ARHGAP8: variants seen among roughly 807,000 people sequenced by gnomAD.
ARHGAP8 encodes the protein rho GTPase-activating protein 8.
In ARHGAP8, 62 loss-of-function variants were observed where a neutral mutation model predicts 46.1. That is an observed-to-expected ratio of 1.34 (90% CI 1.10 to 1.66). ARHGAP8 has a LOEUF of 1.66. Ranked by LOEUF, ARHGAP8 falls within the 40% of genes most tolerant of loss-of-function variation. The pLI is 0.00. For missense variants in ARHGAP8, 923 were observed against 568.4 expected (o/e 1.62, Z -6.34); for synonymous variants, 375 against 243.1 (o/e 1.54, Z -5.05).
chr22:44,756,381 A>G (rs1924674121), intron 1 of ARHGAP8, among the ~76,000 whole-genome samples: 1 of 151,412 alleles, frequency 6.6e-6, no homozygotes, highest in African/African-American at 2.4e-5. Flanking sequence ...TGCAGCTGGG[A>G]CTCCCACCTG....
rs373023393 is a variant in ARHGAP8, at chr22:44,859,687, C to G, written c.878-44C>G. ...TCCCGGGCCGGGATGCAGCGCTGCC[C>G]CTGGCCCCTCTGGAGCTCAGCAGGG... is the stretch of plus-strand genomic sequence containing the variant. On this transcript the variant is annotated intron_variant, in intron 10 of 11. Transcript: ENST00000356099. The G allele has an allele frequency of 4.4e-6, 7 of 1,604,348 alleles. No individual in the cohort carries two copies. The African/African-American group carries it at 8.0e-5, about 18-fold the overall frequency.
intron 2 of ARHGAP8, among the ~76,000 whole-genome samples, chr22:44,789,080 GTA>G (rs949491675): frequency 6.6e-6 from 1 of 152,170 alleles, no homozygotes; most frequent in African/African-American, 2.4e-5. Context: ...ATTGGACTTT[GTA>G]AATTTCTTCC....
chr22:44,754,338 T>TTGTGTG (rs35257490), intron 1 of ARHGAP8, among the ~76,000 whole-genome samples: 3,140 of 146,570 alleles, frequency 0.021, 50 homozygotes, highest in Middle Eastern at 0.031. Context: ...CATTGAAACT[T>TTGTGTG]TGTGTGTGTG....
At chr22:44,849,970 C>G (rs2269544) in intron 10 of ARHGAP8, 47,749 of 151,936 alleles carry the variant, frequency 0.31, 8,015 homozygotes, top group East Asian at 0.59. Context: ...TATGGTAACT[C>G]ATGGTTATGG....
intron 7 of ARHGAP8, among the ~76,000 whole-genome samples, chr22:44,840,093 C>T (rs549321065): frequency 2.6e-5 from 4 of 152,192 alleles, no homozygotes; most frequent in Non-Finnish European, 4.4e-5. Flanking sequence ...AAAAGGTTCC[C>T]GAGATCACAG....
intron 1 of ARHGAP8, among the ~76,000 whole-genome samples, chr22:44,761,142 C>A (rs557585610): frequency 6.6e-6 from 1 of 152,216 alleles, no homozygotes; most frequent in African/African-American, 2.4e-5. Context: ...GGGCTTGGTC[C>A]TCGTGAAACT....
intron 1 of ARHGAP8, chr22:44,786,201 GTGGGTGCTCGACTGATGTAGAGTGTATAA>G (rs1265785142): frequency 1.6e-5 from 9 of 580,466 alleles, no homozygotes; most frequent in Non-Finnish European, 2.4e-5. Flanking sequence ...AGGGCGTATA[GTGGGTGCTCGACTGATGTAGAGTGTATAA>G]TGGGTGCTCG....
chr22:44,792,200 T>A (rs185792589), intron 2 of ARHGAP8, among the ~76,000 whole-genome samples: 3 of 152,010 alleles, frequency 2.0e-5, no homozygotes, highest in African/African-American at 7.2e-5. Flanking sequence ...TTAGTAGAGA[T>A]GGGGTTTCAT....
chr22:44,766,560 G>A (rs970221710), intron 1 of ARHGAP8, among the ~76,000 whole-genome samples: 5 of 152,094 alleles, frequency 3.3e-5, no homozygotes, highest in East Asian at 3.9e-4. Context: ...GTGGGCATGC[G>A]TGTCTGGGTG....
intron 7 of ARHGAP8, among the ~76,000 whole-genome samples, chr22:44,837,855 T>C (rs1179151716): frequency 1.3e-5 from 2 of 152,190 alleles, no homozygotes; most frequent in African/African-American, 4.8e-5. Flanking sequence ...CCCGCTTGGC[T>C]GGGAGCACGG....
At chr22:44,800,432 G>A (rs935124028) in intron 2 of ARHGAP8, among the ~76,000 whole-genome samples, 5 of 152,150 alleles carry the variant, frequency 3.3e-5, no homozygotes, top group African/African-American at 4.8e-5. Context: ...CTCACTAAGC[G>A]CCTGGCCCGG....
chr22:44,859,534 T>C, intron 10 of ARHGAP8, 197 bp from the exon 11 acceptor site: 1 of 601,442 alleles, frequency 1.7e-6, no homozygotes, highest in African/African-American at 1.9e-5. Context: ...TAACCCCATC[T>C]CAGCAAGAAT....
At chr22:44,805,418 T>A (rs914252323) in intron 3 of ARHGAP8, among the ~76,000 whole-genome samples, 1 of 152,256 alleles carries the variant, frequency 6.6e-6, no homozygotes, top group Non-Finnish European at 1.5e-5. Context: ...ACTAGATGCC[T>A]GAATTGTTCA....
chr22:44,862,648 TTGTA>T lies in ARHGAP8; in HGVS notation c.*57_*60del. 1.3e-6 allele frequency: 2 copies of T among 1,503,316 alleles called. No homozygotes were observed. Among genetic ancestry groups the T allele is most frequent in the Admixed American group, 2.3e-5 (1 of 44,392 alleles). The allele number at this position is 1,503,316 out of a possible 1,614,324, so 93.1% of individuals were successfully genotyped here. A position where few individuals can be genotyped will look rare whatever the true frequency, so the allele number is the denominator to read the frequency against. ...CTACCTCCCACACCTGTCTGTGCAC[TTGTA>T]TGTTTTGTAAACTTGGCATCTGTAA... On this transcript the variant is annotated 3_prime_UTR_variant, in exon 12 of 12. Coordinates refer to ENST00000356099, the MANE Select transcript of ARHGAP8 (RefSeq NM_181335.3).
At chr22:44,856,254 C>CTTTTTTTTTTTTTT (rs557242169) in intron 10 of ARHGAP8, among the ~76,000 whole-genome samples, 3 of 86,822 alleles carry the variant, frequency 3.5e-5, no homozygotes, top group East Asian at 3.8e-4. Context: ...TATAAATTCC[C>CTTTTTTTTTTTTTT]TTTTTTTTTT....
intron 2 of ARHGAP8, 127 bp from the exon 3 acceptor site, chr22:44,801,950 C>G (rs967912807): frequency 4.6e-6 from 5 of 1,075,280 alleles, no homozygotes; most frequent in South Asian, 4.4e-5. Context: ...GTGTCGCCTC[C>G]GAGGAACGCT....
intron 4 of ARHGAP8, among the ~76,000 whole-genome samples, chr22:44,814,435 T>A (rs1929585870): frequency 1.3e-5 from 2 of 152,194 alleles, no homozygotes; most frequent in African/African-American, 2.4e-5. Flanking sequence ...GGGCTCCGAC[T>A]TGCAGCTGTG....
intron 1 of ARHGAP8, chr22:44,786,044 C>T (rs1002850074): frequency 1.8e-5 from 4 of 220,224 alleles, no homozygotes; most frequent in Admixed American, 1.5e-4. Flanking sequence ...ACCCTTAGGT[C>T]TTATTTTTCT....
intron 2 of ARHGAP8, among the ~76,000 whole-genome samples, chr22:44,794,587 G>C (rs1298875022): frequency 6.6e-6 from 1 of 152,122 alleles, no homozygotes; most frequent in African/African-American, 2.4e-5. Flanking sequence ...GTGCGCACCT[G>C]TAGTCCCAGC....
Sources: allele counts gnomAD v4.1 joint callset (sites outside exome capture counted in the v4.1 genomes callset), GRCh38; gene constraint gnomAD v4.1.1; transcripts MANE v1.5; gene names NCBI Gene and HGNC (gene_info 2026-07-23, HGNC 2026-07-21).